DAB1: variants seen among roughly 807,000 people sequenced by gnomAD.
DAB1 encodes disabled homolog 1.
In DAB1, 15 loss-of-function variants were observed where a neutral mutation model predicts 64.6. The ratio of observed to expected loss-of-function variants is 0.23; its 90% CI spans 0.16 to 0.36. The LOEUF is 0.36. Ranked by LOEUF, DAB1 falls within the 10% of genes least tolerant of loss-of-function variation. The pLI is 1.00. For missense variants in DAB1, 596 were observed against 706.7 expected (o/e 0.84, Z 1.78); for synonymous variants, 235 against 251.9 (o/e 0.93, Z 0.64).
chr1:58,169,703 C>A (rs1378564939), intron 4 of DAB1, among the ~76,000 whole-genome samples: 1 of 152,112 alleles, frequency 6.6e-6, no homozygotes, highest in African/African-American at 2.4e-5. Context: ...CTCAGCTTAC[C>A]CCCATATCCT....
chr1:57,608,604 C>T (rs560758570), intron 7 of DAB1, among the ~76,000 whole-genome samples: 1 of 152,230 alleles, frequency 6.6e-6, no homozygotes, highest in South Asian at 2.1e-4. Flanking sequence ...TTGTGATATG[C>T]CAGATGTTGG....
intron 9 of DAB1, among the ~76,000 whole-genome samples, chr1:57,049,111 A>G (rs142975986): frequency 6.6e-6 from 1 of 152,220 alleles, no homozygotes; most frequent in Non-Finnish European, 1.5e-5. Flanking sequence ...AACAGAACGG[A>G]AGATGAAAGG....
At chr1:58,245,982 A>G (rs1490165374) in intron 4 of DAB1, among the ~76,000 whole-genome samples, 3 of 152,212 alleles carry the variant, frequency 2.0e-5, no homozygotes. Flanking sequence ...AATATTATGT[A>G]AAGTAAAGGA....
At chr1:58,161,338 T>TA (rs1655525457) in intron 4 of DAB1, among the ~76,000 whole-genome samples, 1 of 152,174 alleles carries the variant, frequency 6.6e-6, no homozygotes. Context: ...GGAAGTGGAA[T>TA]AAAACGATTT....
intron 7 of DAB1, among the ~76,000 whole-genome samples, chr1:57,531,741 A>G (rs1205162328): frequency 6.6e-6 from 1 of 152,214 alleles, no homozygotes; most frequent in Non-Finnish European, 1.5e-5. Context: ...GTAAAATTTA[A>G]CAACCAGCTC....
chr1:57,004,725 G>A (rs1231066960), intron 14 of DAB1, among the ~76,000 whole-genome samples: 1 of 152,176 alleles, frequency 6.6e-6, no homozygotes, highest in Non-Finnish European at 1.5e-5. Context: ...AGGGGAAAAA[G>A]GCTAAAATAA....
chr1:57,284,686 A>C (rs1458514790), intron 2 of DAB1, among the ~76,000 whole-genome samples: 1 of 152,290 alleles, frequency 6.6e-6, no homozygotes, highest in African/African-American at 2.4e-5. Flanking sequence ...TTAAAAGATC[A>C]TTCTCTCAGG....
chr1:57,465,924 G>C (rs1419867503), intron 7 of DAB1, among the ~76,000 whole-genome samples: 1 of 152,198 alleles, frequency 6.6e-6, no homozygotes, highest in East Asian at 1.9e-4. Flanking sequence ...TAGCTTCATT[G>C]AGTTTCAATG....
intron 2 of DAB1, among the ~76,000 whole-genome samples, chr1:57,228,703 A>C (rs564565813): frequency 6.6e-6 from 1 of 152,316 alleles, no homozygotes; most frequent in East Asian, 1.9e-4. Flanking sequence ...ATGCATATAC[A>C]TAGTAAGATC....
intron 1 of DAB1, among the ~76,000 whole-genome samples, chr1:57,378,685 A>G (rs1420852182): frequency 1.3e-5 from 2 of 152,196 alleles, no homozygotes; most frequent in Middle Eastern, 3.2e-3. Context: ...TCAAAGACAA[A>G]CCACAACATA....
At chr1:57,586,664 A>G (rs756966905) in intron 7 of DAB1, among the ~76,000 whole-genome samples, 3 of 152,144 alleles carry the variant, frequency 2.0e-5, no homozygotes, top group Non-Finnish European at 4.4e-5. Context: ...AATTAACAGA[A>G]TATCAAAAGA....
intron 2 of DAB1, among the ~76,000 whole-genome samples, chr1:57,236,295 C>T (rs1274218888): frequency 6.6e-6 from 1 of 152,126 alleles, no homozygotes; most frequent in Non-Finnish European, 1.5e-5. Flanking sequence ...TGTGACTAAC[C>T]CACAAACTTG....
At chr1:57,318,410 C>A (rs1301749945) in intron 1 of DAB1, among the ~76,000 whole-genome samples, 1 of 152,092 alleles carries the variant, frequency 6.6e-6, no homozygotes, top group Non-Finnish European at 1.5e-5. Context: ...TAGATGCTGT[C>A]CCACAGCTTA....
At chr1:57,322,221 A>C (rs538175183) in intron 1 of DAB1, among the ~76,000 whole-genome samples, 19 of 152,300 alleles carry the variant, frequency 1.2e-4, no homozygotes, top group Admixed American at 2.0e-4. Context: ...CACAATGCTC[A>C]CTAAATCCTC....
chr1:57,440,971 G>A (rs1247922772), intron 7 of DAB1, among the ~76,000 whole-genome samples: 1 of 152,120 alleles, frequency 6.6e-6, no homozygotes, highest in Non-Finnish European at 1.5e-5. Flanking sequence ...CTGTCATCCA[G>A]AGAGTGAGCA....
chr1:57,677,828 A>G (rs955820141), intron 6 of DAB1, among the ~76,000 whole-genome samples: 3 of 152,212 alleles, frequency 2.0e-5, no homozygotes, highest in African/African-American at 4.8e-5. Context: ...GCAAAGAAGA[A>G]TAAGATAGTA....
chr1:57,724,943 C>A (rs1397328236), intron 6 of DAB1, among the ~76,000 whole-genome samples: 8 of 152,194 alleles, frequency 5.3e-5, no homozygotes, highest in Non-Finnish European at 1.0e-4. Context: ...TGAATGCAAG[C>A]AAGCTATCCA....
chr1:58,491,299 G>A (rs965913406), intron 3 of DAB1, among the ~76,000 whole-genome samples: 10 of 152,182 alleles, frequency 6.6e-5, no homozygotes, highest in Admixed American at 2.0e-4. Flanking sequence ...GGTACCAGCC[G>A]CAGCAAAAAC....
At position 58,110,497 on chromosome 1, in the gene DAB1, T is replaced by A. The variant is rs72906583; in HGVS notation, n.387+40014A>T. ...AGGCTAGGTATCTGACATACATTATTTGATTTACTTTTTGTGTCAGCCCTG... is the reference window on the plus strand; with the variant it reads ...AGGCTAGGTATCTGACATACATTATATGATTTACTTTTTGTGTCAGCCCTG... On this transcript the variant is annotated intron_variant and non_coding_transcript_variant, in intron 5 of 20. Transcript: ENST00000485760. Among the ~76,000 whole-genome samples, 447 of 152,328 alleles carry A rather than the reference T, an allele frequency of 2.9e-3. 3 individuals are homozygous for A. Among genetic ancestry groups the A allele is most frequent in the African/African-American group, 0.011 (438 of 41,576 alleles).
Sources: allele counts gnomAD v4.1 joint callset (sites outside exome capture counted in the v4.1 genomes callset), GRCh38; gene constraint gnomAD v4.1.1; transcripts MANE v1.5; gene names NCBI Gene and HGNC (gene_info 2026-07-23, HGNC 2026-07-21).